Variants in CSNK1G1 observed in about 807,000 individuals in gnomAD.
The protein encoded by CSNK1G1 is casein kinase 1 gamma 1, also known as casein kinase I isoform gamma-1.
Under a neutral mutation model 59.6 loss-of-function variants are expected in CSNK1G1, and 22 were observed. That is an observed-to-expected ratio of 0.37 (90% CI 0.26 to 0.53). CSNK1G1 has a LOEUF of 0.53. Ranked by LOEUF, CSNK1G1 falls within the 20% of genes least tolerant of loss-of-function variation. CSNK1G1 has a pLI of 0.89. For synonymous variants in CSNK1G1, 179 were observed against 177.1 expected (o/e 1.01, Z -0.08); for missense variants, 384 against 519.5 (o/e 0.74, Z 2.54).
chr15:64,177,523 T>C (rs2081755799), intron 11 of CSNK1G1, among the ~76,000 whole-genome samples: 1 of 152,212 alleles, frequency 6.6e-6, no homozygotes, highest in South Asian at 2.1e-4. Context: ...CGGGATGACA[T>C]CTGGTCAAAT....
At chr15:64,273,672 G>A (rs940527014) in intron 2 of CSNK1G1, among the ~76,000 whole-genome samples, 1 of 151,240 alleles carries the variant, frequency 6.6e-6, no homozygotes, top group Non-Finnish European at 1.5e-5. Context: ...GGGCCACACT[G>A]GAAGAATTGT....
chr15:64,270,971 T>A (rs1209372177), intron 2 of CSNK1G1, among the ~76,000 whole-genome samples: 1 of 152,076 alleles, frequency 6.6e-6, no homozygotes, highest in Admixed American at 6.6e-5. Context: ...TTACTATGTA[T>A]GTGTGTATTT....
At chr15:64,172,377 A>T (rs1023937563) in intron 11 of CSNK1G1, among the ~76,000 whole-genome samples, 1 of 152,182 alleles carries the variant, frequency 6.6e-6, no homozygotes, top group African/African-American at 2.4e-5. Flanking sequence ...CTTGATACTG[A>T]GGGCACAATT....
intron 2 of CSNK1G1, among the ~76,000 whole-genome samples, chr15:64,269,903 A>C (rs1373595971): frequency 6.6e-6 from 1 of 152,170 alleles, no homozygotes; most frequent in Non-Finnish European, 1.5e-5. Flanking sequence ...TCCCAGGCTC[A>C]AGTGATTCTC....
chr15:64,297,748 G>T (rs947042737), intron 2 of CSNK1G1, among the ~76,000 whole-genome samples: 2 of 151,954 alleles, frequency 1.3e-5, no homozygotes, highest in African/African-American at 4.8e-5. Flanking sequence ...TTGACAGACT[G>T]TGTGTCTAGG....
In CSNK1G1 at chr15:64,182,126, T is replaced by C. The variant is rs554575142; in HGVS notation, c.1108-1672A>G. ...TTGCCCAGGCTGGAGTGCAGTGGCA[T>C]GATCTCGGCTCACTGCAACCTCTAC... On this transcript the variant is annotated intron_variant, in intron 10 of 11. Coordinates refer to ENST00000303052, the MANE Select transcript of CSNK1G1 (RefSeq NM_022048.5). Among the ~76,000 whole-genome samples, 28 of 140,946 alleles carry C rather than the reference T, an allele frequency of 2.0e-4. No homozygotes were observed. In the South Asian group the frequency reaches 6.6e-3, roughly 33 times the overall value. The allele number at this position is 140,946 out of a possible 152,430, so 92.5% of individuals were successfully genotyped here. A position where few individuals can be genotyped will look rare whatever the true frequency, so the allele number is the denominator to read the frequency against.
At chr15:64,247,801 A>G (rs573598984) in intron 4 of CSNK1G1, among the ~76,000 whole-genome samples, 1 of 152,332 alleles carries the variant, frequency 6.6e-6, no homozygotes, top group Admixed American at 6.5e-5. Context: ...GGACAACAAA[A>G]AGTTCCTATT....
Position 64,176,201 on chromosome 15 carries a change from T to A in CSNK1G1, c.1214+4147A>T, listed in dbSNP as rs1457703074. 1 of 398,646 alleles carries A rather than the reference T, an allele frequency of 2.5e-6. No individual in the cohort carries two copies. The highest frequency in any genetic ancestry group is 2.1e-5 in the African/African-American group (1 of 48,626). The allele number at this position is 398,646 out of a possible 1,614,324, so 24.7% of individuals were successfully genotyped here. A position where few individuals can be genotyped will look rare whatever the true frequency, so the allele number is the denominator to read the frequency against. ...TGTTCCTAAGGCATTTTGTTTGGCT[T>A]TGCCAGTCCCAGCCTAGTCTGGTCC... is the stretch of plus-strand genomic sequence containing the variant. On this transcript the variant is annotated intron_variant, in intron 11 of 11. Coordinates refer to ENST00000303052, the MANE Select transcript of CSNK1G1 (RefSeq NM_022048.5). The surrounding 1 kb of genome is among the most constrained non-coding windows in gnomAD (Gnocchi z 5.2).
intron 1 of CSNK1G1, among the ~76,000 whole-genome samples, chr15:64,304,249 G>T (rs2140409738): frequency 6.6e-6 from 1 of 151,652 alleles, no homozygotes; most frequent in East Asian, 1.9e-4. Context: ...AAATTATGGT[G>T]GTAGGCGCCT....
intron 4 of CSNK1G1, among the ~76,000 whole-genome samples, chr15:64,229,902 ATTTTT>A (rs533868270): frequency 0.033 from 1,423 of 43,682 alleles, 40 homozygotes; most frequent in African/African-American, 0.072. Flanking sequence ...ATGTTTGTAA[ATTTTT>A]TTTTTTTTTT....
intron 4 of CSNK1G1, among the ~76,000 whole-genome samples, chr15:64,235,388 A>G (rs902946497): frequency 6.6e-6 from 1 of 152,210 alleles, no homozygotes; most frequent in Admixed American, 6.5e-5. Flanking sequence ...GCACCCAAAC[A>G]TGAGATGACA....
intron 4 of CSNK1G1, among the ~76,000 whole-genome samples, chr15:64,229,122 T>G (rs2082505459): frequency 6.6e-6 from 1 of 151,964 alleles, no homozygotes; most frequent in African/African-American, 2.4e-5. Flanking sequence ...TACATATTAA[T>G]AGTAGTATAA....
rs2081924072 is a variant in CSNK1G1 at position 64,188,252 on chromosome 15, G to C, written c.1108-7798C>G. ...AGTCCACCTAGACAGAAAATCTACA[G>C]AGATATTCAATTAGCCCTTCCTGTA... On this transcript the variant is annotated intron_variant, in intron 10 of 11. Coordinates refer to ENST00000303052, the MANE Select transcript of CSNK1G1 (RefSeq NM_022048.5). This position sits in a 1 kb window ranked among gnomAD's most constrained non-coding sequence, Gnocchi z 4.2. The C allele has an allele frequency of 1.5e-6, 1 of 645,568 alleles. No homozygotes were observed. The highest frequency in any genetic ancestry group is 2.0e-5 in the South Asian group (1 of 49,084). The allele number at this position is 645,568 out of a possible 1,614,324, so 40.0% of individuals were successfully genotyped here.
chr15:64,184,390 T>C (rs1327331811), intron 10 of CSNK1G1, among the ~76,000 whole-genome samples: 3 of 152,044 alleles, frequency 2.0e-5, no homozygotes, highest in Non-Finnish European at 2.9e-5. Context: ...AAAAGCTTTA[T>C]TTGCGGCCAG....
intron 1 of CSNK1G1, among the ~76,000 whole-genome samples, chr15:64,318,382 T>C (rs945973833): frequency 3.9e-5 from 6 of 152,100 alleles, no homozygotes; most frequent in African/African-American, 1.2e-4. Context: ...TTCTAGAAAT[T>C]TGTGGCATGA....
chr15:64,250,535 G>C (rs896506423), intron 4 of CSNK1G1, among the ~76,000 whole-genome samples: 1 of 152,144 alleles, frequency 6.6e-6, no homozygotes, highest in East Asian at 1.9e-4. Flanking sequence ...CTTGAGCCCA[G>C]GAGTTCAAGA....
intron 4 of CSNK1G1, among the ~76,000 whole-genome samples, chr15:64,236,771 A>G (rs1387229066): frequency 2.0e-5 from 3 of 152,222 alleles, no homozygotes; most frequent in Non-Finnish European, 4.4e-5. Context: ...TATTGGATCT[A>G]GCAATCCCAG....
intron 4 of CSNK1G1, among the ~76,000 whole-genome samples, chr15:64,233,337 G>A (rs1406071538): frequency 6.6e-6 from 1 of 151,646 alleles, no homozygotes; most frequent in East Asian, 1.9e-4. Context: ...GGAGGGAAAA[G>A]GACAGATTCT....
In CSNK1G1 at chr15:64,313,301, G is replaced by A. The variant is rs556884736; in HGVS notation, c.-224-12578C>T. Among the ~76,000 whole-genome samples, 22 of 152,252 alleles carry A rather than the reference G, an allele frequency of 1.4e-4. No homozygotes were observed. The South Asian group carries it at 4.2e-3, about 29-fold the overall frequency. On this transcript the variant is annotated intron_variant, in intron 1 of 11. Transcript: ENST00000303052. ...TTCTACTATGAAGACACATGCACAC[G>A]TATGTTTATTGTGGCACTATTCACA... is the stretch of plus-strand genomic sequence containing the variant.
Sources: gnomAD v4.1 joint callset for allele counts (sites outside exome capture counted in the v4.1 genomes callset) on GRCh38, gnomAD v4.1.1 for gene constraint, Gnocchi (gnomAD v3.1) non-coding constraint, MANE v1.5 for transcripts, NCBI Gene and HGNC (gene_info 2026-07-23, HGNC 2026-07-21) for gene names.